PCGF5: variants seen among roughly 807,000 people sequenced by gnomAD.
PCGF5 encodes polycomb group RING finger protein 5.
A neutral mutation model predicts 44.3 loss-of-function variants in PCGF5; 9 were observed. The ratio of observed to expected loss-of-function variants is 0.20; its 90% CI spans 0.12 to 0.35. The LOEUF is 0.35. Ranked by LOEUF, PCGF5 falls within the 10% of genes least tolerant of loss-of-function variation. The probability of loss-of-function intolerance (pLI) is 1.00; values close to 1 mark genes in which losing one functional copy is unlikely to be tolerated. For synonymous variants in PCGF5, 95 were observed against 102.5 expected (o/e 0.93, Z 0.44); for missense variants, 146 against 305.3 (o/e 0.48, Z 3.89).
chr10:91,194,072 G>A (rs900503877), intron 1 of PCGF5, among the ~76,000 whole-genome samples: 1 of 152,156 alleles, frequency 6.6e-6, no homozygotes, highest in Non-Finnish European at 1.5e-5. Context: ...AGGGAGAATT[G>A]GAGGTCAGCT....
intron 1 of PCGF5, among the ~76,000 whole-genome samples, chr10:91,185,553 T>C (rs781197397): frequency 2.6e-5 from 4 of 152,230 alleles, no homozygotes; most frequent in Non-Finnish European, 5.9e-5. Flanking sequence ...CCTAGGGGTA[T>C]GTATGGAGGT....
At chr10:91,271,982 A>G (rs1298881821) in intron 9 of PCGF5, among the ~76,000 whole-genome samples, 1 of 152,232 alleles carries the variant, frequency 6.6e-6, no homozygotes. Flanking sequence ...TCTCTACTCC[A>G]TATTGGATTT....
upstream of PCGF5, among the ~76,000 whole-genome samples, chr10:91,159,868 C>A (rs866049188): frequency 6.6e-6 from 1 of 152,154 alleles, no homozygotes; most frequent in African/African-American, 2.4e-5. Flanking sequence ...ATTATGATAT[C>A]CCAGGTATTA....
chr10:91,264,763 G>C (rs1846006183), intron 8 of PCGF5, among the ~76,000 whole-genome samples: 1 of 152,022 alleles, frequency 6.6e-6, no homozygotes, highest in African/African-American at 2.4e-5. Flanking sequence ...ATATGTTCAG[G>C]ACTCTACTAA....
chr10:91,268,526 C>A (rs764538049), intron 8 of PCGF5, among the ~76,000 whole-genome samples: 1 of 152,056 alleles, frequency 6.6e-6, no homozygotes, highest in South Asian at 2.1e-4. Context: ...GATGTCTCCT[C>A]ATCTATTCTA....
At chr10:91,201,527 A>C (rs1374539324) in intron 1 of PCGF5, among the ~76,000 whole-genome samples, 1 of 152,172 alleles carries the variant, frequency 6.6e-6, no homozygotes, top group Non-Finnish European at 1.5e-5. Flanking sequence ...ATGTGTAAAA[A>C]AAATACGTAA....
At chr10:91,201,167 A>G (rs1346594180) in intron 1 of PCGF5, among the ~76,000 whole-genome samples, 1 of 152,194 alleles carries the variant, frequency 6.6e-6, no homozygotes, top group African/African-American at 2.4e-5. Flanking sequence ...CAATTTATAA[A>G]GGAAAGAAAT....
At chr10:91,190,475 T>G (rs969691357) in intron 1 of PCGF5, among the ~76,000 whole-genome samples, 19 of 152,308 alleles carry the variant, frequency 1.2e-4, no homozygotes, top group African/African-American at 4.3e-4. Flanking sequence ...TCCCCATGTA[T>G]AAAACATGAG....
chr10:91,223,030 A>C, intron 2 of PCGF5, 47 bp downstream of exon 2: 2 of 1,247,636 alleles, frequency 1.6e-6, no homozygotes, highest in Non-Finnish European at 2.3e-6. Context: ...TTATATGTAC[A>C]TTTTGTTCTT....
At chr10:91,273,594 A>G (rs1205240485) in intron 9 of PCGF5, among the ~76,000 whole-genome samples, 1 of 152,166 alleles carries the variant, frequency 6.6e-6, no homozygotes, top group Non-Finnish European at 1.5e-5. Flanking sequence ...AGGATAACTA[A>G]ATGGTTTTAT....
At chr10:91,234,777 C>T (rs1255227457) in intron 2 of PCGF5, among the ~76,000 whole-genome samples, 2 of 152,166 alleles carry the variant, frequency 1.3e-5, no homozygotes, top group African/African-American at 4.8e-5. Flanking sequence ...CACAAGAACC[C>T]TGTGAGATAG....
intron 1 of PCGF5, among the ~76,000 whole-genome samples, chr10:91,167,409 T>G (rs756144640): frequency 2.0e-5 from 3 of 152,192 alleles, no homozygotes; most frequent in Non-Finnish European, 2.9e-5. Context: ...ACTTTGTGAA[T>G]TCAGAGGAGG....
upstream of PCGF5, among the ~76,000 whole-genome samples, chr10:91,161,244 C>T (rs1843377431): frequency 6.6e-6 from 1 of 152,210 alleles, no homozygotes; most frequent in Non-Finnish European, 1.5e-5. Flanking sequence ...CCTAGTTGAA[C>T]GTCCAGTTCT....
At chr10:91,213,324 G>A (rs539637474) in intron 1 of PCGF5, among the ~76,000 whole-genome samples, 1 of 152,272 alleles carries the variant, frequency 6.6e-6, no homozygotes, top group South Asian at 2.1e-4. Flanking sequence ...CTACATATGT[G>A]TGGATATATC....
intron 1 of PCGF5, among the ~76,000 whole-genome samples, chr10:91,210,727 G>A (rs1015714182): frequency 6.6e-6 from 1 of 152,188 alleles, no homozygotes; most frequent in Non-Finnish European, 1.5e-5. Context: ...CTGTTGTTTG[G>A]TCTCTCCCTT....
intron 1 of PCGF5, among the ~76,000 whole-genome samples, chr10:91,177,892 TG>T: frequency 6.6e-6 from 1 of 152,300 alleles, no homozygotes; most frequent in Admixed American, 6.5e-5. Context: ...AGCTCACACT[TG>T]GTGCACGGTG....
intron 1 of PCGF5, among the ~76,000 whole-genome samples, chr10:91,207,684 C>CT (rs1459909104): frequency 6.6e-6 from 1 of 152,158 alleles, no homozygotes; most frequent in Non-Finnish European, 1.5e-5. Context: ...TATCAAATTT[C>CT]TTTAATCTTT....
chr10:91,226,591 A>C (rs1353019552), intron 2 of PCGF5, among the ~76,000 whole-genome samples: 1 of 152,122 alleles, frequency 6.6e-6, no homozygotes, highest in Non-Finnish European at 1.5e-5. Flanking sequence ...GTGCATTTCA[A>C]CTCTTTCTCA....
At chr10:91,161,047 A>G (rs1317429490), upstream of PCGF5, among the ~76,000 whole-genome samples, 1 of 152,154 alleles carries the variant, frequency 6.6e-6, no homozygotes, top group East Asian at 1.9e-4. Flanking sequence ...GGAGGCAGGG[A>G]GAAGCCAGGG....
Sources: allele counts gnomAD v4.1 joint callset (sites outside exome capture counted in the v4.1 genomes callset), GRCh38; gene constraint gnomAD v4.1.1; transcripts MANE v1.5; gene names NCBI Gene and HGNC (gene_info 2026-07-23, HGNC 2026-07-21).